The following ATRNL1 variants were observed in gnomAD, a reference collection of about 807,000 sequenced individuals.
ATRNL1 encodes attractin-like protein 1.
A neutral mutation model predicts 182.7 loss-of-function variants in ATRNL1; 95 were observed. The ratio of observed to expected loss-of-function variants is 0.52; its 90% CI spans 0.44 to 0.62. The LOEUF is 0.62. Ranked by LOEUF, ATRNL1 falls within the 20% of genes least tolerant of loss-of-function variation. The probability of loss-of-function intolerance (pLI) is 0.00; values close to 1 mark genes in which losing one functional copy is unlikely to be tolerated. For missense variants in ATRNL1, 1,471 were observed against 1,679.5 expected (o/e 0.88, Z 2.17); for synonymous variants, 576 against 568.3 (o/e 1.01, Z -0.19).
At chr10:115,650,177 G>A (rs1369344088) in intron 26 of ATRNL1, among the ~76,000 whole-genome samples, 4 of 151,998 alleles carry the variant, frequency 2.6e-5, no homozygotes, top group African/African-American at 9.7e-5. Context: ...CCAAGCAAAC[G>A]TGATTTCATT....
chr10:115,252,348 T>A (rs1251376008), intron 10 of ATRNL1, among the ~76,000 whole-genome samples: 1 of 151,992 alleles, frequency 6.6e-6, no homozygotes, highest in Non-Finnish European at 1.5e-5. Context: ...GATTCTTTGG[T>A]CGTATACTCT....
chr10:115,177,877 T>C (rs1847580876), intron 8 of ATRNL1, among the ~76,000 whole-genome samples: 2 of 151,030 alleles, frequency 1.3e-5, no homozygotes, highest in Admixed American at 1.3e-4. Flanking sequence ...AGCTGTGTTT[T>C]TTTTTTTTTT....
intron 27 of ATRNL1, among the ~76,000 whole-genome samples, chr10:115,787,484 T>G (rs1949424546): frequency 6.6e-6 from 1 of 152,202 alleles, no homozygotes; most frequent in Admixed American, 6.5e-5. Flanking sequence ...CTTTTGGTTT[T>G]TGTGCAGGCT....
At chr10:115,795,782 C>A (rs1438190649) in intron 27 of ATRNL1, among the ~76,000 whole-genome samples, 1 of 152,126 alleles carries the variant, frequency 6.6e-6, no homozygotes, top group South Asian at 2.1e-4. Flanking sequence ...AAGTGCTAAA[C>A]CACTGGAAAC....
chr10:115,165,597 A>C lies in ATRNL1; in HGVS notation c.1044A>C (p.Pro348=). The change falls in exon 7 of 29, where the codon CCA becomes CCC. Residue 348 remains proline (P), a synonymous_variant. Transcript: ENST00000355044. ...GCAGTATATGGAATGTAGGAACTCC[A>C]TCAAGGGGACCTCTCCAGAGATATG... The part of the protein sequence containing the change: ...LESSIWNVGT[P]SRGPLQRYGH... The C allele has an allele frequency of 6.5e-7, 1 of 1,545,618 alleles. No homozygotes were observed. The highest frequency in any genetic ancestry group is 1.3e-5 in the South Asian group (1 of 78,800).
intron 27 of ATRNL1, among the ~76,000 whole-genome samples, chr10:115,827,761 C>T (rs1467780414): frequency 6.6e-6 from 1 of 152,118 alleles, no homozygotes; most frequent in South Asian, 2.1e-4. Flanking sequence ...TGAACAAAAG[C>T]AGTTGTCGAA....
chr10:115,519,478 G>C (rs6421370), intron 25 of ATRNL1, among the ~76,000 whole-genome samples, 154 bp downstream of exon 25: 152,226 of 152,262 alleles, frequency 1, 76,095 homozygotes, highest in Middle Eastern at 1. Flanking sequence ...TCCCACAGAG[G>C]AGAGGTAACA....
At chr10:115,489,211 G>A (rs905147267) in intron 24 of ATRNL1, among the ~76,000 whole-genome samples, 15 of 152,166 alleles carry the variant, frequency 9.9e-5, no homozygotes, top group African/African-American at 3.6e-4. Flanking sequence ...GTTGATTTGG[G>A]GTGGAGAGTT....
At chr10:115,512,107 G>A (rs1178075742) in intron 24 of ATRNL1, among the ~76,000 whole-genome samples, 1 of 151,778 alleles carries the variant, frequency 6.6e-6, no homozygotes, top group Non-Finnish European at 1.5e-5. Context: ...GAATACCACA[G>A]AACTAAATGG....
chr10:115,491,799 A>T (rs182803188), intron 24 of ATRNL1, among the ~76,000 whole-genome samples: 11 of 152,248 alleles, frequency 7.2e-5, no homozygotes, highest in Non-Finnish European at 1.5e-4. Flanking sequence ...GGATATGAAA[A>T]AGAACTCTTG....
At chr10:115,145,659 C>A (rs1303960117) in intron 5 of ATRNL1, among the ~76,000 whole-genome samples, 7 of 152,114 alleles carry the variant, frequency 4.6e-5, no homozygotes, top group African/African-American at 1.7e-4. Context: ...AGAACACTTG[C>A]ATTGAAATCT....
In ATRNL1 at chr10:115,840,221, G is replaced by T. The variant is rs563948066; in HGVS notation, c.3904-7656G>T. ...GGTAAGTATGGGAAGTTTGGCATTG[G>T]GATTAGATTTTTCCTACCCTGAAAA... On this transcript the variant is annotated intron_variant, in intron 27 of 28. Coordinates refer to ENST00000355044, the MANE Select transcript of ATRNL1 (RefSeq NM_207303.4). Among the ~76,000 whole-genome samples the T allele has an allele frequency of 4.0e-4, 61 of 151,938 alleles. 4 individuals carry two copies. In the South Asian group the frequency reaches 0.012, roughly 30 times the overall value.
At chr10:115,251,451 AC>A (rs1471467589) in intron 10 of ATRNL1, among the ~76,000 whole-genome samples, 6 of 151,982 alleles carry the variant, frequency 3.9e-5, no homozygotes, top group East Asian at 1.9e-4. Flanking sequence ...GACCCAGTGG[AC>A]CCATTTTGAG....
chr10:115,445,029 C>T lies in ATRNL1; in HGVS notation c.3323-16912C>T, dbSNP rs1372969722. ...TACAGGCTTGAGCCACTGCACCCGA[C>T]CCTGAAATTATTATTATATTGTTCT... On this transcript the variant is annotated intron_variant, in intron 21 of 28. Coordinates refer to ENST00000355044, the MANE Select transcript of ATRNL1 (RefSeq NM_207303.4). Among the ~76,000 whole-genome samples, 9 of 151,974 alleles carry T rather than the reference C, an allele frequency of 5.9e-5. No individual in the cohort carries two copies. The South Asian group carries it at 1.7e-3, about 28-fold the overall frequency.
chr10:115,178,401 A>C (rs935843481), intron 8 of ATRNL1, among the ~76,000 whole-genome samples: 4 of 152,148 alleles, frequency 2.6e-5, no homozygotes, highest in African/African-American at 4.8e-5. Flanking sequence ...CACAGAGTGG[A>C]AGTGGCCTTC....
intron 19 of ATRNL1, among the ~76,000 whole-genome samples, chr10:115,339,903 A>T (rs1855659167): frequency 6.6e-6 from 1 of 152,118 alleles, no homozygotes; most frequent in African/African-American, 2.4e-5. Context: ...GAGGGTTTTT[A>T]TCATGAAGGG....
chr10:115,147,864 C>G (rs1040052850), intron 5 of ATRNL1, among the ~76,000 whole-genome samples: 7 of 152,054 alleles, frequency 4.6e-5, no homozygotes, highest in Non-Finnish European at 1.0e-4. Context: ...GTTACTATAG[C>G]CTTGTAATAT....
chr10:115,379,759 A>T (rs767146022), intron 19 of ATRNL1, among the ~76,000 whole-genome samples: 3 of 152,216 alleles, frequency 2.0e-5, no homozygotes, highest in Non-Finnish European at 4.4e-5. Context: ...ATGTTCCCAC[A>T]GCTAATTCTA....
At chr10:115,197,893 A>G (rs537057921) in intron 8 of ATRNL1, among the ~76,000 whole-genome samples, 28 of 152,212 alleles carry the variant, frequency 1.8e-4, no homozygotes, top group Admixed American at 5.2e-4. Context: ...TTTTTCATCT[A>G]TTCACTCCAT....
Sources: gnomAD v4.1 joint callset for allele counts (sites outside exome capture counted in the v4.1 genomes callset) on GRCh38, gnomAD v4.1.1 for gene constraint, MANE v1.5 for transcripts, NCBI Gene and HGNC (gene_info 2026-07-23, HGNC 2026-07-21) for gene names.